ZNF514: variants seen among roughly 807,000 people sequenced by gnomAD.
The protein encoded by ZNF514 is zinc finger protein 514.
A neutral mutation model predicts 9.7 loss-of-function variants in ZNF514; 12 were observed. The observed-to-expected ratio is 1.24, with a 90% CI of 0.79 to 2.01. The LOEUF (loss-of-function observed/expected upper bound fraction) is 2.01. Among genes scored for constraint, ZNF514 ranks in the 30% most tolerant of loss-of-function variants. ZNF514 has a pLI of 0.00. For missense variants in ZNF514, 467 were observed against 465.5 expected (o/e 1.00, Z -0.03); for synonymous variants, 158 against 163.7 (o/e 0.97, Z 0.27).
chr2:95,128,535 G>A, the ZNF514 span, among the ~76,000 whole-genome samples: 2 of 152,144 alleles, frequency 1.3e-5, no homozygotes, highest in East Asian at 1.9e-4. Context: ...CAGCCTGGGC[G>A]ACAGAGTGAG....
At chr2:95,159,152 A>T in intron 1 of ZNF514, 88 bp downstream of exon 1, 1 of 578,264 alleles carries the variant, frequency 1.7e-6, no homozygotes, top group Non-Finnish European at 2.4e-6. Context: ...TGCAGGGCCC[A>T]GAGCAGGGCC....
chr2:95,157,337 A>G lies in ZNF514; in HGVS notation c.-7+14T>C. 1 of 1,287,296 alleles carries G rather than the reference A, an allele frequency of 7.8e-7. No individual in the cohort carries two copies. The highest frequency in any genetic ancestry group is 1.0e-6 in the Non-Finnish European group (1 of 986,714). The allele number at this position is 1,287,296 out of a possible 1,614,324, so 79.7% of individuals were successfully genotyped here. On this transcript the variant is annotated intron_variant, in intron 2 of 4. Coordinates refer to ENST00000295208, the MANE Select transcript of ZNF514 (RefSeq NM_032788.3). ...CGTTCAGGCATTTGAGGAAAAATTA[A>G]GAATACAACTCACCCGAGGCCTGGC...
rs34282100 is a variant in ZNF514 at position 95,150,272 on chromosome 2, TAAAAAAAAAA to T, written c.218-15_218-6del. On this transcript the variant is annotated splice_region_variant and splice_polypyrimidine_tract_variant and intron_variant, in intron 4 of 4. Coordinates refer to ENST00000295208, the MANE Select transcript of ZNF514 (RefSeq NM_032788.3). ...ATTTAGACCTTCTCTTCCAGTCTGTTAAAAAAAAAAAAAAAAAAAGAAGACATTCTAGTAT... is the reference window on the plus strand; with the variant it reads ...ATTTAGACCTTCTCTTCCAGTCTGTTAAAAAAAAAGAAGACATTCTAGTAT... 1.4e-5 allele frequency: 19 copies of T among 1,340,492 alleles called. No individual in the cohort carries two copies. The highest frequency in any genetic ancestry group is 1.7e-5 in the Non-Finnish European group (18 of 1,029,028). The allele number at this position is 1,340,492 out of a possible 1,614,324, so 83.0% of individuals were successfully genotyped here.
At chr2:95,155,420 CT>C (rs1673662166) in intron 2 of ZNF514, 1 of 152,256 alleles carries the variant, frequency 6.6e-6, no homozygotes, top group Non-Finnish European at 1.5e-5. Flanking sequence ...TCTTCCCATG[CT>C]TCCCTCTTCT....
At chr2:95,155,106 A>C (rs1208707568) in intron 2 of ZNF514, 1 of 152,246 alleles carries the variant, frequency 6.6e-6, no homozygotes, top group African/African-American at 2.4e-5. Flanking sequence ...AAGCTGATTA[A>C]GTTTTTTAGA....
At chr2:95,134,545 G>A in the ZNF514 span, among the ~76,000 whole-genome samples, 49 of 152,230 alleles carry the variant, frequency 3.2e-4, no homozygotes, top group South Asian at 0.01. Context: ...TCACAGGACT[G>A]TGCACCCATG....
rs1260737019 is a variant in ZNF514, at chr2:95,159,663, G to A, written c.-519C>T. 3 of 56,194 alleles carry A rather than the reference G, an allele frequency of 5.3e-5. No homozygotes were observed. Among genetic ancestry groups the A allele is most frequent in the Non-Finnish European group, 1.1e-4 (3 of 28,338 alleles). 3.5% of individuals were successfully genotyped at this position (56,194 alleles called of 1,614,324 possible). A position where few individuals can be genotyped will look rare whatever the true frequency, so the allele number is the denominator to read the frequency against. On this transcript the variant is annotated 5_prime_UTR_variant, in exon 1 of 5. Transcript: ENST00000295208. ...CGCCCGCCACCCCGCGCCAGCCCCC[G>A]CCCGCCACCCCGCGCCAGCCCCCGC...
intron 3 of ZNF514, 122 bp downstream of exon 3, chr2:95,153,011 T>G: frequency 7.6e-7 from 1 of 1,322,064 alleles, no homozygotes; most frequent in South Asian, 1.4e-5. Flanking sequence ...AAATGTCTGA[T>G]TCCAGACTTC....
chr2:95,152,069 G>A lies in ZNF514; in HGVS notation c.217+605C>T, dbSNP rs567340665. On this transcript the variant is annotated intron_variant, in intron 4 of 4. Coordinates refer to ENST00000295208, the MANE Select transcript of ZNF514 (RefSeq NM_032788.3). The stretch of plus-strand genomic sequence containing the variant: ...CTCCAGTGTGCTTGGGTTACACACA[G>A]CAGTCAGGAAAGCTTTGAGTCAAGA... 5.3e-5 allele frequency among the ~76,000 whole-genome samples: 8 copies of A among 152,310 alleles called. No individual in the cohort carries two copies. In the South Asian group the frequency reaches 1.7e-3, roughly 32 times the overall value.
the ZNF514 span, among the ~76,000 whole-genome samples, chr2:95,128,368 C>T: frequency 2.1e-5 from 3 of 143,604 alleles, no homozygotes; most frequent in African/African-American, 7.8e-5. Context: ...CCAGCCTGGG[C>T]GACACGAGCA....
At chr2:95,144,692 A>C (rs1466884439), downstream of ZNF514, among the ~76,000 whole-genome samples, 1 of 152,224 alleles carries the variant, frequency 6.6e-6, no homozygotes, top group Non-Finnish European at 1.5e-5. Flanking sequence ...CATTCTAGAA[A>C]GTTATCAACC....
intron 1 of ZNF514, chr2:95,158,800 C>G: frequency 8.0e-7 from 1 of 1,254,332 alleles, no homozygotes; most frequent in South Asian, 1.3e-5. Flanking sequence ...GCGGCTTCAG[C>G]CTTCTGGGTC....
chr2:95,137,536 C>A, the ZNF514 span, among the ~76,000 whole-genome samples: 1 of 152,176 alleles, frequency 6.6e-6, no homozygotes, highest in African/African-American at 2.4e-5. Context: ...CCTGGAAAAA[C>A]TGTAAAGGTA....
Position 95,149,278 on chromosome 2 carries a change from G to C in ZNF514, c.*4C>G. On this transcript the variant is annotated 3_prime_UTR_variant, in exon 5 of 5. Coordinates refer to ENST00000295208, the MANE Select transcript of ZNF514 (RefSeq NM_032788.3). ...AGCTGAAAGCCCTTCTATATTCACTGAATTTATAGGGTTTTTTTTCCAGCA... is the reference window on the plus strand; with the variant it reads ...AGCTGAAAGCCCTTCTATATTCACTCAATTTATAGGGTTTTTTTTCCAGCA... 1 of 1,560,414 alleles carries C rather than the reference G, an allele frequency of 6.4e-7. No homozygotes were observed. The highest frequency in any genetic ancestry group is 8.6e-7 in the Non-Finnish European group (1 of 1,156,162).
chr2:95,159,710 G>T lies in ZNF514; in HGVS notation c.-566C>A, dbSNP rs1673806911. 8.0e-6 allele frequency: 1 copy of T among 125,056 alleles called. No homozygotes were observed. The highest frequency in any genetic ancestry group is 1.7e-5 in the Non-Finnish European group (1 of 59,676). 7.7% of individuals were successfully genotyped at this position (125,056 alleles called of 1,614,324 possible). On this transcript the variant is annotated 5_prime_UTR_variant, in exon 1 of 5. Transcript: ENST00000295208. Reference sequence around the variant, plus strand: ...CCGCGTCCGCCCCGCGCCAGCCCCCGCGTCCGCCCCGCGCCAGCCCCCGCG... The same window carrying T: ...CCGCGTCCGCCCCGCGCCAGCCCCCTCGTCCGCCCCGCGCCAGCCCCCGCG...
chr2:95,141,440 T>TC (rs968209479), downstream of ZNF514, among the ~76,000 whole-genome samples: 1 of 152,090 alleles, frequency 6.6e-6, no homozygotes, highest in Admixed American at 6.5e-5. Flanking sequence ...GTATCAGTTC[T>TC]CCCCCTAAGA....
chr2:95,133,872 T>A, the ZNF514 span, among the ~76,000 whole-genome samples: 1 of 152,208 alleles, frequency 6.6e-6, no homozygotes, highest in African/African-American at 2.4e-5. Flanking sequence ...AATTACTATA[T>A]TCTGTATCTT....
At chr2:95,151,036 A>G (rs1673521653) in intron 4 of ZNF514, among the ~76,000 whole-genome samples, 1 of 152,216 alleles carries the variant, frequency 6.6e-6, no homozygotes, top group Non-Finnish European at 1.5e-5. Flanking sequence ...ATTATTATAT[A>G]TTATGCACAT....
At chr2:95,133,378 A>G in the ZNF514 span, among the ~76,000 whole-genome samples, 7 of 152,334 alleles carry the variant, frequency 4.6e-5, no homozygotes, top group Admixed American at 3.3e-4. Context: ...AAGGTCACAT[A>G]CTGCATGGCT....
Sources: allele counts gnomAD v4.1 joint callset (sites outside exome capture counted in the v4.1 genomes callset), GRCh38; gene constraint gnomAD v4.1.1; transcripts MANE v1.5; gene names NCBI Gene and HGNC (gene_info 2026-07-23, HGNC 2026-07-21).